SCP2: variants seen among roughly 807,000 people sequenced by gnomAD.
SCP2 encodes the protein sterol carrier protein 2.
SCP2 carries 48 observed loss-of-function variants against 71.4 expected under a neutral mutation model. The observed-to-expected ratio is 0.67, with a 90% CI of 0.53 to 0.86. SCP2 has a LOEUF of 0.86. SCP2 is among the 40% of genes least tolerant of loss of function. The pLI is 0.00. For synonymous variants in SCP2, 220 were observed against 218.1 expected (o/e 1.01, Z -0.08); for missense variants, 560 against 655.6 (o/e 0.85, Z 1.59).
intron 4 of SCP2, 77 bp from the exon 5 acceptor site, chr1:52,954,663 T>C: frequency 8.6e-7 from 1 of 1,166,316 alleles, no homozygotes; most frequent in South Asian, 1.2e-5. Context: ...ACGTACTTAT[T>C]TGAATTGAAG....
intron 4 of SCP2, among the ~76,000 whole-genome samples, chr1:52,951,124 A>T (rs894416918): frequency 1.3e-5 from 2 of 152,054 alleles, no homozygotes; most frequent in African/African-American, 4.8e-5. Flanking sequence ...TCTACAAAAA[A>T]TACAAAAATT....
intron 13 of SCP2, among the ~76,000 whole-genome samples, chr1:53,037,976 C>CACACACACACAT (rs1663135086): frequency 9.4e-6 from 1 of 106,546 alleles, no homozygotes; most frequent in Admixed American, 1.1e-4. Flanking sequence ...CACACACACA[C>CACACACACACAT]ACACACACAC....
chr1:52,983,281 A>C (rs11206058), intron 10 of SCP2, among the ~76,000 whole-genome samples: 25,222 of 152,136 alleles, frequency 0.17, 4,598 homozygotes, highest in African/African-American at 0.46. Flanking sequence ...TTGATTGTGT[A>C]ATGTCTAGGC....
intron 11 of SCP2, among the ~76,000 whole-genome samples, chr1:53,005,513 C>G (rs1240530941): frequency 6.6e-6 from 1 of 152,186 alleles, no homozygotes; most frequent in African/African-American, 2.4e-5. Context: ...CAAACAGGGT[C>G]TGGAGTGGAC....
chr1:52,977,181 C>T (rs566938417), intron 8 of SCP2, among the ~76,000 whole-genome samples: 2 of 152,250 alleles, frequency 1.3e-5, no homozygotes, highest in South Asian at 4.1e-4. Context: ...ATGATGATAA[C>T]AGTTGTTTCT....
At chr1:52,951,002 C>T (rs551941395) in intron 4 of SCP2, 116 bp downstream of exon 4, 18 of 1,201,560 alleles carry the variant, frequency 1.5e-5, no homozygotes, top group South Asian at 6.1e-5. Context: ...TTCATCAGGC[C>T]GGGTGTGGTG....
Position 52,978,226 on chromosome 1 carries a change from A to T in SCP2, c.684A>T (p.Ser228=). 3 of 1,613,776 alleles carry T rather than the reference A, an allele frequency of 1.9e-6. No individual in the cohort carries two copies. Among genetic ancestry groups the T allele is most frequent in the Non-Finnish European group, 1.7e-6 (2 of 1,179,946 alleles). The change falls in exon 9 of 16, where the codon TCA becomes TCT. Residue 228 remains serine (S), a synonymous_variant. Transcript: ENST00000371514. ...FLTILQCCPT[S]DGAAAAILAS... Reference sequence around the variant, plus strand: ...TTTTACTTCCTCTTAGTCCCACTTCAGATGGTGCTGCAGCAGCAATTTTGG... The same window carrying T: ...TTTTACTTCCTCTTAGTCCCACTTCTGATGGTGCTGCAGCAGCAATTTTGG...
chr1:52,989,044 T>G (rs138985939), intron 11 of SCP2, among the ~76,000 whole-genome samples: 2,381 of 152,360 alleles, frequency 0.016, 70 homozygotes, highest in African/African-American at 0.054. Flanking sequence ...TATGCCATTT[T>G]GTATATAACG....
chr1:53,019,562 C>T (rs1450702819), intron 12 of SCP2, among the ~76,000 whole-genome samples: 4 of 152,158 alleles, frequency 2.6e-5, no homozygotes, highest in Middle Eastern at 3.2e-3. Flanking sequence ...TGCCTCAGCC[C>T]TAGGATCAGT....
chr1:52,952,162 C>CAAAAAG (rs754850282), intron 4 of SCP2, among the ~76,000 whole-genome samples: 1 of 152,132 alleles, frequency 6.6e-6, no homozygotes, highest in Non-Finnish European at 1.5e-5. Flanking sequence ...CTAGAAACCA[C>CAAAAAG]TAATTTACTT....
At chr1:52,987,144 C>T (rs901218388) in intron 10 of SCP2, among the ~76,000 whole-genome samples, 1 of 151,720 alleles carries the variant, frequency 6.6e-6, no homozygotes, top group Non-Finnish European at 1.5e-5. Flanking sequence ...CTCCTGACCT[C>T]AGGTGATCTA....
chr1:52,996,006 G>A (rs2150201546), intron 11 of SCP2: 1 of 1,411,196 alleles, frequency 7.1e-7, no homozygotes, highest in Admixed American at 2.5e-5. Flanking sequence ...TTTTGGTGAG[G>A]AGGCTGAAGA....
intron 4 of SCP2, among the ~76,000 whole-genome samples, chr1:52,952,456 G>A (rs1655401606): frequency 6.6e-6 from 1 of 152,092 alleles, no homozygotes; most frequent in Non-Finnish European, 1.5e-5. Context: ...TGAGCTAATG[G>A]CTTTAAGCGA....
chr1:53,039,903 T>A (rs1373307577), intron 14 of SCP2, among the ~76,000 whole-genome samples: 1 of 152,238 alleles, frequency 6.6e-6, no homozygotes, highest in Non-Finnish European at 1.5e-5. Flanking sequence ...ATCGCAAAGC[T>A]AACGTGTGAA....
chr1:52,958,078 G>A (rs1029748214), intron 5 of SCP2, among the ~76,000 whole-genome samples: 6 of 152,014 alleles, frequency 3.9e-5, no homozygotes, highest in Non-Finnish European at 8.8e-5. Context: ...TATTTATGTA[G>A]GTCTATGTGT....
chr1:53,019,042 C>T (rs1222096774), intron 12 of SCP2, among the ~76,000 whole-genome samples: 2 of 152,176 alleles, frequency 1.3e-5, no homozygotes, highest in East Asian at 3.9e-4. Flanking sequence ...CCTAATGTTT[C>T]CCCAAATTAG....
At chr1:52,929,197 CTT>C (rs11438037) in intron 1 of SCP2, among the ~76,000 whole-genome samples, 21 of 135,862 alleles carry the variant, frequency 1.5e-4, no homozygotes, top group Admixed American at 2.2e-4. Flanking sequence ...CACTGTAACA[CTT>C]TTTTTTTTTT....
At chr1:52,973,872 G>T (rs1045126638) in intron 6 of SCP2, among the ~76,000 whole-genome samples, 4 of 152,070 alleles carry the variant, frequency 2.6e-5, no homozygotes, top group African/African-American at 9.7e-5. Flanking sequence ...AAAATGCTGG[G>T]GTTACAGGCA....
At chr1:53,046,558 TC>T (rs1377022495) in intron 14 of SCP2, among the ~76,000 whole-genome samples, 1 of 152,202 alleles carries the variant, frequency 6.6e-6, no homozygotes, top group Non-Finnish European at 1.5e-5. Context: ...CTTTTTTTTA[TC>T]TTTTCCTGTA....
Sources: gnomAD v4.1 joint callset for allele counts (sites outside exome capture counted in the v4.1 genomes callset) on GRCh38, gnomAD v4.1.1 for gene constraint, MANE v1.5 for transcripts, NCBI Gene and HGNC (gene_info 2026-07-23, HGNC 2026-07-21) for gene names.